Variants in TICAM2 observed in about 807,000 individuals in gnomAD.
TICAM2 encodes the protein TIR domain containing adaptor molecule 2, also known as TIR domain-containing adapter molecule 2.
TICAM2 carries 8 observed loss-of-function variants against 7.3 expected under a neutral mutation model. The ratio of observed to expected loss-of-function variants is 1.10; its 90% CI spans 0.65 to 1.99. TICAM2 has a LOEUF of 1.99. TICAM2 is among the 30% of genes most tolerant of loss of function. The probability of loss-of-function intolerance (pLI) is 0.00; values close to 1 mark genes in which losing one functional copy is unlikely to be tolerated. For missense variants in TICAM2, 304 were observed against 278.8 expected (o/e 1.09, Z -0.65); for synonymous variants, 113 against 99.6 (o/e 1.13, Z -0.80).
chr5:115,583,255 T>G (rs1487467349), intron 1 of TICAM2, among the ~76,000 whole-genome samples: 2 of 152,194 alleles, frequency 1.3e-5, no homozygotes, highest in East Asian at 3.8e-4. Flanking sequence ...ATTAAAATGA[T>G]CTACACTTAT....
intron 1 of TICAM2, among the ~76,000 whole-genome samples, chr5:115,598,097 T>A (rs962449352): frequency 6.6e-5 from 10 of 152,214 alleles, no homozygotes; most frequent in Admixed American, 2.0e-4. Flanking sequence ...AAAAAATAGT[T>A]TTTTAGTAAA....
At chr5:115,582,009 A>G (rs1754942422) in intron 1 of TICAM2, 1 of 152,232 alleles carries the variant, frequency 6.6e-6, no homozygotes, top group East Asian at 1.9e-4. Flanking sequence ...TGAAGAAAAT[A>G]TATTTATTCA....
intron 1 of TICAM2, 39 bp from the exon 2 acceptor site, chr5:115,581,354 A>C: frequency 1.3e-6 from 2 of 1,529,912 alleles, no homozygotes; most frequent in Non-Finnish European, 1.7e-6. Flanking sequence ...TTATAAATTT[A>C]ATCAAAACAT....
At position 115,580,320 on chromosome 5, in the gene TICAM2, G is replaced by GT. The variant is rs746651303; in HGVS notation, c.*228dup. ...TTCATATCCATGAACTAGGAAAATTGTGAAAGAAAAGTCCTTGAAACTCTG... is the reference window on the plus strand; with the variant it reads ...TTCATATCCATGAACTAGGAAAATTGTTGAAAGAAAAGTCCTTGAAACTCTG... On this transcript the variant is annotated 3_prime_UTR_variant, in exon 2 of 2. Coordinates refer to ENST00000427199, the MANE Select transcript of TICAM2 (RefSeq NM_021649.7). The GT allele has an allele frequency of 2.0e-6, 1 of 505,862 alleles. No individual in the cohort carries two copies. The highest frequency in any genetic ancestry group is 3.1e-6 in the Non-Finnish European group (1 of 322,994). The allele number at this position is 505,862 out of a possible 1,614,324, so 31.3% of individuals were successfully genotyped here.
chr5:115,583,427 C>T (rs559299533), intron 1 of TICAM2, among the ~76,000 whole-genome samples: 4 of 152,150 alleles, frequency 2.6e-5, no homozygotes, highest in East Asian at 3.9e-4. Context: ...ATTACAACTT[C>T]GACTTATTTT....
chr5:115,587,023 C>A (rs1755129879), intron 1 of TICAM2, among the ~76,000 whole-genome samples: 1 of 152,082 alleles, frequency 6.6e-6, no homozygotes, highest in Non-Finnish European at 1.5e-5. Flanking sequence ...TGAAAAAACA[C>A]TGAGGTACCA....
At chr5:115,593,685 T>C (rs1053025269) in intron 1 of TICAM2, among the ~76,000 whole-genome samples, 1 of 152,186 alleles carries the variant, frequency 6.6e-6, no homozygotes, top group Non-Finnish European at 1.5e-5. Flanking sequence ...ATTCCAGAAT[T>C]TCTATGGAAA....
Position 115,580,922 on chromosome 5 carries a change from A to G in TICAM2, c.335T>C (p.Phe112Ser), listed in dbSNP as rs1350825685. ...CTGTCTGCCACATGGCATCTCAGCA[A>G]AGATTATTCCGGGTTTGATACCAAA... ...DDFGIKPGII[F>S]AEMPCGRQHL... Residue 112 changes from phenylalanine to serine, a missense_variant, in exon 2 of 2, where the codon TTT becomes TCT. Physicochemically the swap from Phe to Ser is radical, Grantham distance 155. Coordinates refer to ENST00000427199, the MANE Select transcript of TICAM2 (RefSeq NM_021649.7). 6.2e-7 allele frequency: 1 copy of G among 1,613,856 alleles called. No individual in the cohort carries two copies. The highest frequency in any genetic ancestry group is 1.1e-5 in the South Asian group (1 of 91,050).
intron 1 of TICAM2, among the ~76,000 whole-genome samples, chr5:115,598,551 G>A (rs979661382): frequency 2.0e-5 from 3 of 152,148 alleles, no homozygotes; most frequent in African/African-American, 7.2e-5. Flanking sequence ...CAGTTGCTAG[G>A]AAGCTCCACG....
intron 1 of TICAM2, among the ~76,000 whole-genome samples, chr5:115,584,605 T>C (rs1755038990): frequency 1.3e-5 from 2 of 152,368 alleles, no homozygotes; most frequent in South Asian, 2.1e-4. Flanking sequence ...GCTGAGCCTT[T>C]TTTAAAAAAA....
At chr5:115,581,626 A>G (rs1159620765) in intron 1 of TICAM2, 1 of 299,150 alleles carries the variant, frequency 3.3e-6, no homozygotes, top group Non-Finnish European at 6.2e-6. Context: ...TATTTTTGTG[A>G]TAGGTACCAT....
At chr5:115,588,237 G>A (rs532872620) in intron 1 of TICAM2, among the ~76,000 whole-genome samples, 42 of 152,280 alleles carry the variant, frequency 2.8e-4, no homozygotes, top group African/African-American at 8.9e-4. Flanking sequence ...GTGTGGAAGC[G>A]TCTTAGAATT....
At chr5:115,598,245 G>T (rs1755586916) in intron 1 of TICAM2, among the ~76,000 whole-genome samples, 2 of 151,832 alleles carry the variant, frequency 1.3e-5, no homozygotes, top group Non-Finnish European at 2.9e-5. Flanking sequence ...AACACCTTTG[G>T]TAAGTGTCTT....
intron 1 of TICAM2, among the ~76,000 whole-genome samples, chr5:115,589,964 A>G (rs1174464794): frequency 6.6e-6 from 1 of 152,232 alleles, no homozygotes; most frequent in East Asian, 1.9e-4. Context: ...TATATAAATC[A>G]TTGACTCAAC....
At chr5:115,591,542 T>C (rs942916407) in intron 1 of TICAM2, among the ~76,000 whole-genome samples, 3 of 152,116 alleles carry the variant, frequency 2.0e-5, no homozygotes, top group Non-Finnish European at 2.9e-5. Flanking sequence ...GGAGGAAAGA[T>C]TGAGAATTTT....
chr5:115,581,452 G>T lies in TICAM2; in HGVS notation c.-59-137C>A, dbSNP rs966979234. ...TACATAAACGACAAACAGATAATTG[G>T]GAAGCTAAACTACTAATCTTTTGTG... On this transcript the variant is annotated intron_variant, in intron 1 of 1. Coordinates refer to ENST00000427199, the MANE Select transcript of TICAM2 (RefSeq NM_021649.7). 81 of 1,083,070 alleles carry T rather than the reference G, an allele frequency of 7.5e-5. 1 individual carries two copies. The highest frequency in any genetic ancestry group is 1.4e-5 in the Non-Finnish European group (11 of 780,516). 67.1% of individuals were successfully genotyped at this position (1,083,070 alleles called of 1,614,324 possible). A position where few individuals can be genotyped will look rare whatever the true frequency, so the allele number is the denominator to read the frequency against.
rs1754915498 is a variant in TICAM2, at chr5:115,581,325, G to A, written c.-59-10C>T. 6.3e-7 allele frequency: 1 copy of A among 1,588,062 alleles called. No individual in the cohort carries two copies. Reference sequence around the variant, plus strand: ...AGCATTTCTTTTCAATCTAAAAGAAGTAACAAAACAGAAGAATATTATAAA... The same window carrying A: ...AGCATTTCTTTTCAATCTAAAAGAAATAACAAAACAGAAGAATATTATAAA... On this transcript the variant is annotated splice_polypyrimidine_tract_variant and intron_variant, in intron 1 of 1. Coordinates refer to ENST00000427199, the MANE Select transcript of TICAM2 (RefSeq NM_021649.7).
At chr5:115,585,304 G>A (rs1423443158) in intron 1 of TICAM2, among the ~76,000 whole-genome samples, 1 of 152,196 alleles carries the variant, frequency 6.6e-6, no homozygotes. Context: ...TTATATTTTA[G>A]GGTGGTGCTA....
intron 1 of TICAM2, among the ~76,000 whole-genome samples, chr5:115,598,973 A>G (rs969857345): frequency 2.0e-5 from 3 of 151,776 alleles, no homozygotes; most frequent in Non-Finnish European, 4.4e-5. Flanking sequence ...ATGTGCCTCT[A>G]GGCCCAGCTA....
Sources: allele counts gnomAD v4.1 joint callset (sites outside exome capture counted in the v4.1 genomes callset), GRCh38; gene constraint gnomAD v4.1.1; transcripts MANE v1.5; gene names NCBI Gene and HGNC (gene_info 2026-07-23, HGNC 2026-07-21).